HS2ST1: variants seen among roughly 807,000 people sequenced by gnomAD.
HS2ST1 encodes 2-O-sulfotransferase.
Under a neutral mutation model 42.9 loss-of-function variants are expected in HS2ST1, and 18 were observed. The observed-to-expected ratio is 0.42, with a 90% CI of 0.29 to 0.62. HS2ST1 has a LOEUF of 0.62. HS2ST1 is among the 20% of genes least tolerant of loss of function. The pLI is 0.21. For synonymous variants in HS2ST1, 146 were observed against 152.9 expected, an observed-to-expected ratio of 0.95 and a Z score of 0.33; for missense variants, 334 against 433.8, an observed-to-expected ratio of 0.77 and a Z score of 2.04.
intron 2 of HS2ST1, among the ~76,000 whole-genome samples, chr1:87,079,311 G>A (rs910280720): frequency 6.6e-6 from 1 of 152,022 alleles, no homozygotes; most frequent in South Asian, 2.1e-4. Flanking sequence ...CTAATTTTTT[G>A]TATTTTAGTA....
chr1:87,050,032 A>G (rs1459227156), intron 1 of HS2ST1, among the ~76,000 whole-genome samples: 1 of 152,012 alleles, frequency 6.6e-6, no homozygotes, highest in Admixed American at 6.6e-5. Flanking sequence ...CTTTACTCTG[A>G]AATCCATTTG....
At chr1:87,088,609 T>G (rs764774176) in intron 3 of HS2ST1, among the ~76,000 whole-genome samples, 17 of 152,032 alleles carry the variant, frequency 1.1e-4, no homozygotes, top group Admixed American at 2.6e-4. Context: ...GTATGGTAAC[T>G]CAATAAGAAA....
Position 87,065,131 on chromosome 1 carries a change from C to A in HS2ST1, c.125-7803C>A, listed in dbSNP as rs188592868. 3.3e-5 allele frequency among the ~76,000 whole-genome samples: 5 copies of A among 152,334 alleles called. No homozygotes were observed. The East Asian group carries it at 9.6e-4, about 29-fold the overall frequency. On this transcript the variant is annotated intron_variant, in intron 1 of 6. Coordinates refer to ENST00000370550, the MANE Select transcript of HS2ST1 (RefSeq NM_012262.4). ...AGCAAGAATCAGTTAAATAGCCTCA[C>A]AACAGCTTTCTTTTGGTGCATCTGT...
At chr1:87,043,140 C>G in intron 1 of HS2ST1, among the ~76,000 whole-genome samples, 1 of 151,924 alleles carries the variant, frequency 6.6e-6, no homozygotes, top group African/African-American at 2.4e-5. Context: ...CCTTCTAATT[C>G]AAAATATACT....
rs544672967 is a variant in HS2ST1, at chr1:86,994,736, A to G, written c.125-78198A>G. 2.6e-5 allele frequency among the ~76,000 whole-genome samples: 4 copies of G among 152,290 alleles called. No individual in the cohort carries two copies. In the East Asian group the frequency reaches 5.8e-4, roughly 22 times the overall value. The stretch of plus-strand genomic sequence containing the variant: ...AGGGTCTTATTACAGAATGAAAACT[A>G]TATTGTTTCTTAAGGAATTTAATGA... On this transcript the variant is annotated intron_variant, in intron 1 of 6. Coordinates refer to ENST00000370550, the MANE Select transcript of HS2ST1 (RefSeq NM_012262.4).
intron 1 of HS2ST1, among the ~76,000 whole-genome samples, chr1:86,966,636 A>G (rs1648056442): frequency 6.6e-6 from 1 of 152,242 alleles, no homozygotes; most frequent in Non-Finnish European, 1.5e-5. Flanking sequence ...TGTTTGAGGT[A>G]GAGGTCTTAC....
intron 1 of HS2ST1, among the ~76,000 whole-genome samples, chr1:86,937,676 G>C (rs567084425): frequency 4.5e-4 from 68 of 151,790 alleles, no homozygotes; most frequent in Non-Finnish European, 8.5e-4. Flanking sequence ...GTCTTTAACA[G>C]TTTTCTTAAA....
At chr1:86,945,138 A>G (rs539632085) in intron 1 of HS2ST1, among the ~76,000 whole-genome samples, 12 of 152,290 alleles carry the variant, frequency 7.9e-5, no homozygotes, top group South Asian at 4.1e-4. Flanking sequence ...TTGAAGGAAC[A>G]TGGGATTTTA....
In HS2ST1 at chr1:87,018,083, A is replaced by G. The variant is rs141973556; in HGVS notation, c.125-54851A>G. Among the ~76,000 whole-genome samples the G allele has an allele frequency of 9.3e-3, 1,405 of 151,736 alleles. 20 individuals carry two copies. The highest frequency in any genetic ancestry group is 0.033 in the African/African-American group (1,359 of 41,312). On this transcript the variant is annotated intron_variant, in intron 1 of 6. Transcript: ENST00000370550. ...GGAATTCTAGCTGAGTGTCCTACTC[A>G]TCAATGTAACTCTCACCTCTTTATT...
chr1:86,947,083 T>C (rs1021438923), intron 1 of HS2ST1, among the ~76,000 whole-genome samples: 26 of 152,196 alleles, frequency 1.7e-4, no homozygotes, highest in African/African-American at 6.0e-4. Context: ...TGACATGAAG[T>C]GGGCTGGATG....
At chr1:87,059,822 C>A (rs1479444998) in intron 1 of HS2ST1, among the ~76,000 whole-genome samples, 2 of 152,112 alleles carry the variant, frequency 1.3e-5, no homozygotes, top group East Asian at 3.9e-4. Flanking sequence ...CTGGTCAGTA[C>A]AATCAAGGCA....
intron 3 of HS2ST1, among the ~76,000 whole-genome samples, chr1:87,088,437 G>A (rs944015534): frequency 6.6e-6 from 1 of 151,966 alleles, no homozygotes; most frequent in African/African-American, 2.4e-5. Context: ...TTCATGTATG[G>A]GTGTACTTCG....
intron 1 of HS2ST1, among the ~76,000 whole-genome samples, chr1:86,966,890 G>A (rs1648062821): frequency 8.2e-6 from 1 of 122,006 alleles, no homozygotes; most frequent in East Asian, 2.7e-4. Flanking sequence ...ATAATAGAGT[G>A]CATTCCTTTT....
At chr1:87,044,704 A>C (rs1650602677) in intron 1 of HS2ST1, among the ~76,000 whole-genome samples, 1 of 152,228 alleles carries the variant, frequency 6.6e-6, no homozygotes, top group African/African-American at 2.4e-5. Context: ...CTGGTTATGC[A>C]CATACTTTGT....
chr1:87,014,697 C>G (rs981819541), intron 1 of HS2ST1, among the ~76,000 whole-genome samples: 4 of 152,144 alleles, frequency 2.6e-5, no homozygotes, highest in South Asian at 4.1e-4. Context: ...CCACAAAAAC[C>G]ACAACCATGT....
intron 1 of HS2ST1, among the ~76,000 whole-genome samples, chr1:87,060,044 A>G (rs1358799631): frequency 1.3e-5 from 2 of 152,208 alleles, no homozygotes; most frequent in Admixed American, 6.5e-5. Context: ...AATGATACCT[A>G]GAATATTATA....
chr1:86,919,762 T>G (rs1570420895), intron 1 of HS2ST1, among the ~76,000 whole-genome samples: 2 of 152,140 alleles, frequency 1.3e-5, no homozygotes, highest in African/African-American at 4.8e-5. Context: ...TTAGTGGACT[T>G]TTTTTTGTTT....
chr1:87,034,452 A>G (rs1264029482), intron 1 of HS2ST1, among the ~76,000 whole-genome samples: 3 of 152,168 alleles, frequency 2.0e-5, no homozygotes, highest in African/African-American at 7.2e-5. Context: ...TTATTGTTCA[A>G]GCTATAGTAA....
At chr1:86,949,449 C>G (rs1386959192) in intron 1 of HS2ST1, among the ~76,000 whole-genome samples, 1 of 152,076 alleles carries the variant, frequency 6.6e-6, no homozygotes, top group Non-Finnish European at 1.5e-5. Flanking sequence ...TTTGGCCATA[C>G]ATCTCTACAG....
Sources: gnomAD v4.1 joint callset for allele counts (sites outside exome capture counted in the v4.1 genomes callset) on GRCh38, gnomAD v4.1.1 for gene constraint, MANE v1.5 for transcripts, NCBI Gene and HGNC (gene_info 2026-07-23, HGNC 2026-07-21) for gene names.